KCMF1: variants seen among roughly 807,000 people sequenced by gnomAD.
KCMF1 encodes E3 ubiquitin-protein ligase KCMF1.
Under a neutral mutation model 41.1 loss-of-function variants are expected in KCMF1, and 3 were observed. The observed-to-expected ratio is 0.07, with a 90% CI of 0.03 to 0.19. KCMF1 has a LOEUF of 0.19. KCMF1 is among the 10% of genes least tolerant of loss of function. KCMF1 has a pLI of 1.00. For synonymous variants in KCMF1, 142 were observed against 164.5 expected (o/e 0.86, Z 1.04); for missense variants, 286 against 488.9 (o/e 0.58, Z 3.91).
intron 1 of KCMF1, among the ~76,000 whole-genome samples, chr2:85,024,729 A>G (rs1397710741): frequency 2.0e-5 from 3 of 152,118 alleles, no homozygotes; most frequent in East Asian, 3.8e-4. Flanking sequence ...TCTTTAAACC[A>G]TGTGGAATTG....
intron 1 of KCMF1, among the ~76,000 whole-genome samples, chr2:85,017,573 C>T (rs1048153558): frequency 2.0e-5 from 3 of 151,330 alleles, no homozygotes; most frequent in Non-Finnish European, 4.4e-5. Flanking sequence ...TCCACCCCAC[C>T]CCCCCAAATC....
chr2:85,030,612 C>T (rs1225411573), intron 2 of KCMF1, among the ~76,000 whole-genome samples: 1 of 152,132 alleles, frequency 6.6e-6, no homozygotes, highest in East Asian at 1.9e-4. Flanking sequence ...AATGCATTGT[C>T]TTGGCACTCT....
chr2:84,996,111 A>G (rs938253062), intron 1 of KCMF1, among the ~76,000 whole-genome samples: 3 of 152,254 alleles, frequency 2.0e-5, no homozygotes, highest in Non-Finnish European at 4.4e-5. Flanking sequence ...AAATCATGCA[A>G]AAGTACTTAG....
At chr2:84,983,861 G>A (rs1459007086) in intron 1 of KCMF1, among the ~76,000 whole-genome samples, 2 of 152,082 alleles carry the variant, frequency 1.3e-5, no homozygotes, top group Non-Finnish European at 2.9e-5. Flanking sequence ...GCCCAGGCAG[G>A]TCCTGAGCTC....
intron 1 of KCMF1, among the ~76,000 whole-genome samples, chr2:85,016,775 C>T (rs1674779766): frequency 6.6e-6 from 1 of 151,928 alleles, no homozygotes; most frequent in Middle Eastern, 3.4e-3. Context: ...TCACTGCAAC[C>T]TCCACCTCCT....
At chr2:84,994,214 C>T (rs1419247769) in intron 1 of KCMF1, among the ~76,000 whole-genome samples, 7 of 152,156 alleles carry the variant, frequency 4.6e-5, no homozygotes, top group African/African-American at 1.7e-4. Flanking sequence ...TCCCAAAGTG[C>T]TGGGATTACA....
Position 85,057,775 on chromosome 2 carries a change from A to C in KCMF1, c.*4366A>C, listed in dbSNP as rs1252720508. The C allele has an allele frequency of 3.3e-5, 5 of 152,154 alleles. No homozygotes were observed. The allele number at this position is 152,154 out of a possible 1,614,324, so 9.4% of individuals were successfully genotyped here. On this transcript the variant is annotated 3_prime_UTR_variant, in exon 7 of 7. Coordinates refer to ENST00000409785, the MANE Select transcript of KCMF1 (RefSeq NM_020122.5). ...CAGACCTCGAATAAAATGTGACTTG[A>C]TGTTTGTTGCCACTTCCTCAACTTG...
intron 1 of KCMF1, among the ~76,000 whole-genome samples, chr2:84,973,550 T>A (rs186248671): frequency 6.6e-6 from 1 of 152,308 alleles, no homozygotes; most frequent in Non-Finnish European, 1.5e-5. Context: ...AGACTTATAG[T>A]ACAATATTCG....
In KCMF1 at chr2:85,053,314, G is replaced by A; in HGVS notation, c.1051G>A (p.Gly351Ser). Residue 351 changes from glycine to serine, a missense_variant, in exon 7 of 7, where the codon GGC (glycine) becomes AGC (serine). Physicochemically the swap from Gly to Ser is moderately conservative, Grantham distance 56. Coordinates refer to ENST00000409785, the MANE Select transcript of KCMF1 (RefSeq NM_020122.5). ...GGAGATGGCAGATTTTGGTGCTATG[G>A]GCTGTGTAGATATTATGCCTTTAGA... ...RGEMADFGAMGCVDIMPLDVA... is the reference protein window; with the variant it reads ...RGEMADFGAMSCVDIMPLDVA... 1 of 1,613,826 alleles carries A rather than the reference G, an allele frequency of 6.2e-7. No individual in the cohort carries two copies. Among genetic ancestry groups the A allele is most frequent in the Non-Finnish European group, 8.5e-7 (1 of 1,179,854 alleles).
At chr2:84,992,186 T>G (rs1356125469) in intron 1 of KCMF1, among the ~76,000 whole-genome samples, 5 of 152,194 alleles carry the variant, frequency 3.3e-5, no homozygotes, top group African/African-American at 1.2e-4. Flanking sequence ...AGAGAATGGT[T>G]GTTATTAGAT....
intron 1 of KCMF1, 142 bp from the exon 2 acceptor site, chr2:85,027,747 C>T (rs150603596): frequency 4.3e-5 from 26 of 601,848 alleles, no homozygotes; most frequent in African/African-American, 3.7e-4. Context: ...ATGGCTAAAA[C>T]TTCCCGTATC....
intron 1 of KCMF1, among the ~76,000 whole-genome samples, chr2:84,980,538 G>T (rs1368461324): frequency 6.6e-6 from 1 of 152,130 alleles, no homozygotes; most frequent in East Asian, 1.9e-4. Flanking sequence ...GTTAACCATG[G>T]TAACTGCCTG....
intron 1 of KCMF1, among the ~76,000 whole-genome samples, chr2:84,981,862 C>T (rs140513709): frequency 1.1e-3 from 174 of 152,190 alleles, no homozygotes; most frequent in African/African-American, 3.9e-3. Context: ...CAGCTGCAGC[C>T]TCCGCCTCCT....
intron 1 of KCMF1, among the ~76,000 whole-genome samples, chr2:84,985,184 G>A (rs746657196): frequency 2.6e-4 from 39 of 152,290 alleles, no homozygotes; most frequent in Admixed American, 5.2e-4. Context: ...TGATTGGGGT[G>A]GAAAGGGGTA....
intron 1 of KCMF1, among the ~76,000 whole-genome samples, chr2:84,988,303 G>A (rs554786945): frequency 6.6e-6 from 1 of 152,160 alleles, no homozygotes; most frequent in African/African-American, 2.4e-5. Flanking sequence ...AGCAAGGGGA[G>A]AAACTAATAT....
At chr2:85,030,746 G>T (rs907502576) in intron 2 of KCMF1, among the ~76,000 whole-genome samples, 1 of 152,136 alleles carries the variant, frequency 6.6e-6, no homozygotes, top group Non-Finnish European at 1.5e-5. Context: ...ACCCAGGCTG[G>T]AGTGCAGTGG....
At chr2:85,018,179 C>T (rs1028236116) in intron 1 of KCMF1, among the ~76,000 whole-genome samples, 8 of 151,838 alleles carry the variant, frequency 5.3e-5, no homozygotes, top group African/African-American at 1.9e-4. Context: ...AATATAACAC[C>T]GTAACCTTAT....
intron 1 of KCMF1, among the ~76,000 whole-genome samples, chr2:85,006,844 C>T (rs886992540): frequency 6.6e-6 from 1 of 151,472 alleles, no homozygotes; most frequent in African/African-American, 2.4e-5. Flanking sequence ...GCGCGGTGCT[C>T]ATGCCTGTAA....
intron 3 of KCMF1, among the ~76,000 whole-genome samples, chr2:85,040,971 A>G (rs1675519369): frequency 6.6e-6 from 1 of 152,008 alleles, no homozygotes; most frequent in African/African-American, 2.4e-5. Flanking sequence ...CATGTTGGTC[A>G]GGCTGGTCTC....
Sources: allele counts gnomAD v4.1 joint callset (sites outside exome capture counted in the v4.1 genomes callset), GRCh38; gene constraint gnomAD v4.1.1; transcripts MANE v1.5; gene names NCBI Gene and HGNC (gene_info 2026-07-23, HGNC 2026-07-21).